GRIA1: variants seen among roughly 807,000 people sequenced by gnomAD.
The protein encoded by GRIA1 is glutamate ionotropic receptor AMPA type subunit 1.
A neutral mutation model predicts 99.2 loss-of-function variants in GRIA1; 31 were observed. The ratio of observed to expected loss-of-function variants is 0.31; its 90% CI spans 0.23 to 0.42. The LOEUF (loss-of-function observed/expected upper bound fraction) is 0.42, where lower values mean the gene tolerates loss of function less well. Among genes scored for constraint, GRIA1 ranks in the 10% least tolerant of loss-of-function variants. The pLI is 1.00. For synonymous variants in GRIA1, 438 were observed against 432.4 expected, an observed-to-expected ratio of 1.01 and a Z score of -0.16; for missense variants, 782 against 1,157.5, an observed-to-expected ratio of 0.68 and a Z score of 4.71.
At chr5:153,748,347 A>C (rs1762291900) in intron 11 of GRIA1, among the ~76,000 whole-genome samples, 1 of 152,200 alleles carries the variant, frequency 6.6e-6, no homozygotes, top group Non-Finnish European at 1.5e-5. Context: ...CAAAAATTGC[A>C]AAGGTCTTGA....
chr5:153,762,568 T>C (rs915588374), intron 11 of GRIA1, among the ~76,000 whole-genome samples: 1 of 152,186 alleles, frequency 6.6e-6, no homozygotes, highest in East Asian at 1.9e-4. Flanking sequence ...AATTCGTATA[T>C]CCTGGTCTAC....
At chr5:153,672,171 A>G (rs1023302628) in intron 5 of GRIA1, among the ~76,000 whole-genome samples, 4 of 148,006 alleles carry the variant, frequency 2.7e-5, no homozygotes, top group Admixed American at 2.7e-4. Context: ...TCAGTGTAGA[A>G]CTCACCTCAG....
chr5:153,565,093 T>C (rs1203191712), intron 2 of GRIA1, among the ~76,000 whole-genome samples: 1 of 152,228 alleles, frequency 6.6e-6, no homozygotes, highest in Non-Finnish European at 1.5e-5. Context: ...CAGTCACCCA[T>C]ATATGTAAAC....
At chr5:153,787,234 T>A (rs1290547888) in intron 13 of GRIA1, among the ~76,000 whole-genome samples, 1 of 152,224 alleles carries the variant, frequency 6.6e-6, no homozygotes, top group Non-Finnish European at 1.5e-5. Flanking sequence ...AAATTGTCTT[T>A]AGAGTACCAA....
At chr5:153,533,730 G>A (rs2113448326) in intron 2 of GRIA1, among the ~76,000 whole-genome samples, 1 of 152,344 alleles carries the variant, frequency 6.6e-6, no homozygotes, top group Admixed American at 6.5e-5. Flanking sequence ...AGAGAAGGGT[G>A]TGGGGGAGAA....
intron 2 of GRIA1, among the ~76,000 whole-genome samples, chr5:153,566,195 T>C (rs1419544923): frequency 6.6e-6 from 1 of 152,076 alleles, no homozygotes; most frequent in African/African-American, 2.4e-5. Context: ...TATCTCATTG[T>C]GGTTTTGATT....
chr5:153,722,661 A>T (rs1008651886), intron 11 of GRIA1, among the ~76,000 whole-genome samples: 4 of 152,190 alleles, frequency 2.6e-5, no homozygotes, highest in African/African-American at 9.6e-5. Context: ...CTGTTGATAT[A>T]GTTGTCTGTC....
chr5:153,689,789 C>CCTACTCACA (rs1375532419), intron 8 of GRIA1, among the ~76,000 whole-genome samples: 1 of 152,214 alleles, frequency 6.6e-6, no homozygotes, highest in African/African-American at 2.4e-5. Flanking sequence ...TGTTCCTCTC[C>CCTACTCACA]TGGCTGGACT....
At chr5:153,741,448 A>G (rs562168129) in intron 11 of GRIA1, among the ~76,000 whole-genome samples, 5 of 152,356 alleles carry the variant, frequency 3.3e-5, no homozygotes, top group African/African-American at 1.2e-4. Context: ...AATATATATT[A>G]GCACTCTCAT....
intron 2 of GRIA1, among the ~76,000 whole-genome samples, chr5:153,505,482 G>C (rs886224626): frequency 6.6e-6 from 1 of 152,198 alleles, no homozygotes; most frequent in Non-Finnish European, 1.5e-5. Flanking sequence ...GAGCCTGCTC[G>C]TCTCATAGGA....
intron 10 of GRIA1, among the ~76,000 whole-genome samples, chr5:153,699,626 A>G (rs1020561387): frequency 2.6e-5 from 4 of 152,046 alleles, no homozygotes; most frequent in Admixed American, 1.3e-4. Context: ...CTTTCTTCTC[A>G]TAATAGGTAT....
At chr5:153,518,200 A>C (rs1381410907) in intron 2 of GRIA1, among the ~76,000 whole-genome samples, 1 of 152,162 alleles carries the variant, frequency 6.6e-6, no homozygotes, top group African/African-American at 2.4e-5. Context: ...CATCCTTCAA[A>C]GCATTTTTTT....
intron 2 of GRIA1, among the ~76,000 whole-genome samples, chr5:153,637,552 G>T (rs187999124): frequency 1.3e-4 from 20 of 152,296 alleles, no homozygotes; most frequent in Non-Finnish European, 2.4e-4. Flanking sequence ...TTGCCATATG[G>T]GGTGAAAATG....
intron 2 of GRIA1, among the ~76,000 whole-genome samples, chr5:153,551,677 C>T (rs1235080737): frequency 6.6e-6 from 1 of 152,158 alleles, no homozygotes; most frequent in Non-Finnish European, 1.5e-5. Context: ...AGCCCTTTTG[C>T]TGTAGTACAT....
Position 153,705,930 on chromosome 5 carries a change from C to G in GRIA1, c.1686C>G (p.Pro562=). The part of the protein sequence containing the change: ...VVLFLVSRFS[P]YEWHSEEFEE... The stretch of plus-strand genomic sequence containing the variant: ...TCTTCCTGGTCAGCCGCTTCAGTCC[C>G]TATGAATGGCACAGTGAAGAGTTTG... The change falls in exon 11 of 16, where the codon CCC becomes CCG. Residue 562 remains proline, a synonymous_variant. Transcript: ENST00000285900. 1 of 1,613,946 alleles carries G rather than the reference C, an allele frequency of 6.2e-7. No individual in the cohort carries two copies. The highest frequency in any genetic ancestry group is 1.1e-5 in the South Asian group (1 of 91,070).
At chr5:153,644,462 T>C (rs1753993527) in intron 2 of GRIA1, among the ~76,000 whole-genome samples, 1 of 152,146 alleles carries the variant, frequency 6.6e-6, no homozygotes, top group Admixed American at 6.6e-5. Flanking sequence ...GCAGGTCATA[T>C]GCCCTCATCA....
At chr5:153,642,855 T>A (rs1237605435) in intron 2 of GRIA1, among the ~76,000 whole-genome samples, 1 of 152,214 alleles carries the variant, frequency 6.6e-6, no homozygotes, top group South Asian at 2.1e-4. Context: ...CCCTTTCTAG[T>A]CTGCCTCCTT....
At chr5:153,538,410 A>G (rs1019473845) in intron 2 of GRIA1, among the ~76,000 whole-genome samples, 1 of 152,194 alleles carries the variant, frequency 6.6e-6, no homozygotes, top group Admixed American at 6.5e-5. Flanking sequence ...AAAGACCACA[A>G]GATGAGTAGA....
At chr5:153,516,332 G>C (rs1362705862) in intron 2 of GRIA1, among the ~76,000 whole-genome samples, 1 of 151,386 alleles carries the variant, frequency 6.6e-6, no homozygotes, top group Non-Finnish European at 1.5e-5. Context: ...CTAGTTGCCA[G>C]ACCCATGCTT....
Sources: allele counts gnomAD v4.1 joint callset (sites outside exome capture counted in the v4.1 genomes callset), GRCh38; gene constraint gnomAD v4.1.1; transcripts MANE v1.5; gene names NCBI Gene and HGNC (gene_info 2026-07-23, HGNC 2026-07-21).